KDM4C: variants seen among roughly 807,000 people sequenced by gnomAD.
KDM4C encodes lysine demethylase 4C.
In KDM4C, 81 loss-of-function variants were observed where a neutral mutation model predicts 129.3. The observed-to-expected ratio is 0.63, with a 90% CI of 0.52 to 0.75. KDM4C has a LOEUF of 0.75. Among genes scored for constraint, KDM4C ranks in the 30% least tolerant of loss-of-function variants. KDM4C has a pLI of 0.00. For missense variants in KDM4C, 1,457 were observed against 1,304.0 expected (o/e 1.12, Z -1.81); for synonymous variants, 573 against 456.1 (o/e 1.26, Z -3.26).
At chr9:7,072,773 C>T (rs2132836317) in intron 17 of KDM4C, among the ~76,000 whole-genome samples, 1 of 152,214 alleles carries the variant, frequency 6.6e-6, no homozygotes, top group East Asian at 1.9e-4. Flanking sequence ...TTACGTTGCA[C>T]TTTGAAAATT....
intron 16 of KDM4C, among the ~76,000 whole-genome samples, chr9:7,048,775 C>G (rs1233513247): frequency 6.6e-6 from 1 of 151,988 alleles, no homozygotes; most frequent in Non-Finnish European, 1.5e-5. Flanking sequence ...CATGCATATT[C>G]CAGCATCAAA....
chr9:6,956,074 G>A (rs1428964375), intron 8 of KDM4C, among the ~76,000 whole-genome samples: 1 of 152,118 alleles, frequency 6.6e-6, no homozygotes, highest in Non-Finnish European at 1.5e-5. Flanking sequence ...CATGGACATG[G>A]TAGAAGGATG....
chr9:6,756,803 C>G (rs1293860328), upstream of KDM4C, among the ~76,000 whole-genome samples: 1 of 152,228 alleles, frequency 6.6e-6, no homozygotes, highest in African/African-American at 2.4e-5. Context: ...TTAGCCTTAG[C>G]TCAATTAATC....
Position 6,793,654 on chromosome 9 carries a change from C to T in KDM4C, c.144+522C>T, listed in dbSNP as rs1470914748. Among the ~76,000 whole-genome samples the T allele has an allele frequency of 3.3e-5, 5 of 151,918 alleles. No homozygotes were observed. In the South Asian group the frequency reaches 8.3e-4, roughly 25 times the overall value. On this transcript the variant is annotated intron_variant, in intron 2 of 21. Coordinates refer to ENST00000381309, the MANE Select transcript of KDM4C (RefSeq NM_015061.6). ...TCCCGGGTTCCAGTGATTCTCCTGC[C>T]TCAGCCTCCCGAAGTAGCTGGGATT...
intron 19 of KDM4C, among the ~76,000 whole-genome samples, chr9:7,133,532 G>A (rs541573746): frequency 6.6e-6 from 1 of 152,210 alleles, no homozygotes; most frequent in Non-Finnish European, 1.5e-5. Context: ...TCACAGACGT[G>A]TTACTTGCCA....
chr9:6,954,731 T>C (rs553562169), intron 8 of KDM4C, among the ~76,000 whole-genome samples: 13 of 152,318 alleles, frequency 8.5e-5, no homozygotes, highest in East Asian at 1.9e-4. Flanking sequence ...AGCCCAACAA[T>C]GGAGAGTGAA....
chr9:6,952,147 C>T (rs942150630), intron 8 of KDM4C, among the ~76,000 whole-genome samples: 1 of 151,910 alleles, frequency 6.6e-6, no homozygotes, highest in African/African-American at 2.4e-5. Context: ...ACAAAATGCA[C>T]CCCCTACAAC....
At chr9:7,058,501 A>G (rs907491705) in intron 17 of KDM4C, among the ~76,000 whole-genome samples, 3 of 152,226 alleles carry the variant, frequency 2.0e-5, no homozygotes, top group African/African-American at 2.4e-5. Context: ...TTGAAGATCT[A>G]GCAGTCGCTC....
At chr9:7,052,912 C>A (rs1830405706) in intron 17 of KDM4C, among the ~76,000 whole-genome samples, 2 of 12,338 alleles carry the variant, frequency 1.6e-4, no homozygotes, top group Middle Eastern at 0.033. Context: ...CGAGCGAGTG[C>A]CCAAGGGATG....
intron 2 of KDM4C, among the ~76,000 whole-genome samples, chr9:6,794,088 C>T (rs1169249872): frequency 3.9e-5 from 6 of 152,212 alleles, no homozygotes; most frequent in Non-Finnish European, 4.4e-5. Flanking sequence ...CTTATTCTCT[C>T]TCTACATTTG....
intron 8 of KDM4C, among the ~76,000 whole-genome samples, chr9:6,928,911 C>T (rs1216395280): frequency 6.6e-6 from 1 of 152,194 alleles, no homozygotes; most frequent in Non-Finnish European, 1.5e-5. Flanking sequence ...CCCTCTACAG[C>T]TTATCTGTAG....
chr9:7,128,224 T>C lies in KDM4C; in HGVS notation c.2769T>C (p.Pro923=). The C allele has an allele frequency of 6.3e-7, 1 of 1,595,526 alleles. No individual in the cohort carries two copies. The highest frequency in any genetic ancestry group is 8.5e-7 in the Non-Finnish European group (1 of 1,170,722). The change falls in exon 19 of 22, where the codon CCT becomes CCC. Residue 923 remains proline (P), a synonymous_variant. Coordinates refer to ENST00000381309, the MANE Select transcript of KDM4C (RefSeq NM_015061.6). ...GCTCCTTTAGCAGAGACACATTTCCTGAGGATATCGTGGTAAGTAGGCTTC... is the reference window on the plus strand; with the variant it reads ...GCTCCTTTAGCAGAGACACATTTCCCGAGGATATCGTGGTAAGTAGGCTTC... ...DDGSFSRDTF[P]EDIVSRDCLK...
rs535593903 is a variant in KDM4C at position 6,823,027 on chromosome 9, G to A, written c.435+8282G>A. 2.6e-5 allele frequency among the ~76,000 whole-genome samples: 4 copies of A among 152,330 alleles called. No homozygotes were observed. In the South Asian group the frequency reaches 8.3e-4, roughly 32 times the overall value. On this transcript the variant is annotated intron_variant, in intron 4 of 21. Coordinates refer to ENST00000381309, the MANE Select transcript of KDM4C (RefSeq NM_015061.6). ...AATACCTATTGTGTAGCATAATGAT[G>A]ATTCTTCTCGTGGTAATGCTTCATT...
chr9:6,940,111 C>T (rs1825681730), intron 8 of KDM4C, among the ~76,000 whole-genome samples: 1 of 150,358 alleles, frequency 6.7e-6, no homozygotes, highest in South Asian at 2.1e-4. Context: ...TTTCTTCTTT[C>T]AACAGGGTCC....
chr9:7,026,409 C>G (rs901235881), intron 15 of KDM4C, among the ~76,000 whole-genome samples: 24 of 151,958 alleles, frequency 1.6e-4, no homozygotes, highest in African/African-American at 5.8e-4. Context: ...ATGACACTCT[C>G]TCCTGGCCTG....
Position 7,174,595 on chromosome 9 carries a change from G to A in KDM4C, c.3037G>A (p.Ala1013Thr), listed in dbSNP as rs367946732. The change falls in exon 22 of 22, where the codon GCA becomes ACA. Residue 1013 changes from alanine (A) to threonine (T), a missense_variant. Physicochemically the swap from Ala to Thr is moderately conservative, Grantham distance 58. Coordinates refer to ENST00000381309, the MANE Select transcript of KDM4C (RefSeq NM_015061.6). The part of the protein sequence containing the change: ...DMRFEDTFYG[A>T]DIIQGERKRQ... ...GCGATTTGAAGACACGTTTTATGGA[G>A]CAGACATTATCCAAGGGGAGAGAAA... is the stretch of plus-strand genomic sequence containing the variant. 55 of 1,614,222 alleles carry A rather than the reference G, an allele frequency of 3.4e-5. No individual in the cohort carries two copies. The African/African-American group carries it at 5.1e-4, about 15-fold the overall frequency.
intron 1 of KDM4C, among the ~76,000 whole-genome samples, chr9:6,749,839 A>T (rs1177893873): frequency 2.6e-5 from 4 of 151,142 alleles, no homozygotes; most frequent in Non-Finnish European, 5.9e-5. Flanking sequence ...ATACAAAATT[A>T]GCCGGGTGTG....
intron 3 of KDM4C, among the ~76,000 whole-genome samples, chr9:6,813,907 A>G (rs1831613101): frequency 6.6e-6 from 1 of 152,100 alleles, no homozygotes; most frequent in Non-Finnish European, 1.5e-5. Flanking sequence ...CTTGTTTTAT[A>G]TTCTGTATTT....
chr9:7,012,055 A>G (rs1822812497), intron 13 of KDM4C, among the ~76,000 whole-genome samples, 176 bp downstream of exon 13: 1 of 152,054 alleles, frequency 6.6e-6, no homozygotes, highest in Non-Finnish European at 1.5e-5. Context: ...CTTGAGAGAC[A>G]CTTTTCTGAA....
Sources: gnomAD v4.1 joint callset for allele counts (sites outside exome capture counted in the v4.1 genomes callset) on GRCh38, gnomAD v4.1.1 for gene constraint, MANE v1.5 for transcripts, NCBI Gene and HGNC (gene_info 2026-07-23, HGNC 2026-07-21) for gene names.